SPDEF: variants seen among roughly 807,000 people sequenced by gnomAD.
The protein encoded by SPDEF is SAM pointed domain containing ETS transcription factor, also known as SAM pointed domain-containing Ets transcription factor.
In SPDEF, 12 loss-of-function variants were observed where a neutral mutation model predicts 36.0. That is an observed-to-expected ratio of 0.33 (90% confidence interval 0.21 to 0.54). The LOEUF (loss-of-function observed/expected upper bound fraction) is 0.54, where lower values mean the gene tolerates loss of function less well. Ranked by LOEUF, SPDEF falls within the 20% of genes least tolerant of loss-of-function variation. SPDEF has a pLI of 0.93. For missense variants in SPDEF, 388 were observed against 456.9 expected, an observed-to-expected ratio of 0.85 and a Z score of 1.37; for synonymous variants, 205 against 193.0, an observed-to-expected ratio of 1.06 and a Z score of -0.51.
chr6:34,542,200 G>A lies in SPDEF; in HGVS notation c.437-1019C>T, dbSNP rs55899330. Among the ~76,000 whole-genome samples, 1,364 of 152,312 alleles carry A rather than the reference G, an allele frequency of 9.0e-3. 9 individuals are homozygous for A. Among genetic ancestry groups the A allele is most frequent in the Non-Finnish European group, 0.015 (999 of 68,018 alleles). ...CGGGGCAGCTTTGGGGGCAGGGGCC[G>A]GGCCTGAGGGATGCATGAAGACCCC... On this transcript the variant is annotated intron_variant, in intron 2 of 5. Coordinates refer to ENST00000374037, the MANE Select transcript of SPDEF (RefSeq NM_012391.3).
intron 2 of SPDEF, among the ~76,000 whole-genome samples, chr6:34,542,876 G>A (rs1164943362): frequency 6.2e-5 from 8 of 128,330 alleles, no homozygotes; most frequent in South Asian, 5.0e-4. Context: ...GTGATAGAGC[G>A]AGACCCTGTC....
chr6:34,551,837 A>AC (rs983273700), intron 1 of SPDEF, among the ~76,000 whole-genome samples: 1 of 151,832 alleles, frequency 6.6e-6, no homozygotes, highest in Non-Finnish European at 1.5e-5. Context: ...GCCAGCAGGG[A>AC]CCCCAGCCCA....
intron 1 of SPDEF, among the ~76,000 whole-genome samples, chr6:34,554,097 C>T (rs984808230): frequency 2.6e-5 from 4 of 152,190 alleles, no homozygotes; most frequent in Admixed American, 6.5e-5. Context: ...AAAAGTGACC[C>T]GCCCACGGTC....
At chr6:34,550,141 A>G (rs993065977) in intron 1 of SPDEF, among the ~76,000 whole-genome samples, 1 of 152,140 alleles carries the variant, frequency 6.6e-6, no homozygotes, top group African/African-American at 2.4e-5. Context: ...TGGCTTCTCC[A>G]AACACCCTGA....
chr6:34,542,166 G>A (rs1438031313), intron 2 of SPDEF, among the ~76,000 whole-genome samples: 1 of 152,218 alleles, frequency 6.6e-6, no homozygotes, highest in Non-Finnish European at 1.5e-5. Flanking sequence ...CTTCAAATGA[G>A]GACGTCAACG....
rs1186537836 is a variant in SPDEF, at chr6:34,552,218, G to A, written c.-30+3711C>T. On this transcript the variant is annotated intron_variant, in intron 1 of 5. Transcript: ENST00000374037. The surrounding 1 kb of genome is among the most constrained non-coding windows in gnomAD (Gnocchi z 4.6). Reference sequence around the variant, plus strand: ...CTCTTCCCTACCCTCCTCCAGCCCCGCATACGCCGTACCTCCCAGCTTGCC... The same window carrying A: ...CTCTTCCCTACCCTCCTCCAGCCCCACATACGCCGTACCTCCCAGCTTGCC... Among the ~76,000 whole-genome samples, 2 of 152,048 alleles carry A rather than the reference G, an allele frequency of 1.3e-5. No homozygotes were observed. The highest frequency in any genetic ancestry group is 4.8e-5 in the African/African-American group (2 of 41,396).
At chr6:34,550,343 C>A (rs1487577287) in intron 1 of SPDEF, among the ~76,000 whole-genome samples, 1 of 152,208 alleles carries the variant, frequency 6.6e-6, no homozygotes, top group Non-Finnish European at 1.5e-5. Flanking sequence ...CATTCACTGC[C>A]CAGAGCACCA....
rs912298691 is a variant in SPDEF, at chr6:34,552,303, G to A, written c.-30+3626C>T. 5.9e-5 allele frequency among the ~76,000 whole-genome samples: 9 copies of A among 152,214 alleles called. No individual in the cohort carries two copies. The highest frequency in any genetic ancestry group is 1.7e-4 in the African/African-American group (7 of 41,458). The stretch of plus-strand genomic sequence containing the variant: ...TGCTCCCCACAGCCCTGCCCAGCAG[G>A]GTCGTTGAGGGCATGAGAACACACG... On this transcript the variant is annotated intron_variant, in intron 1 of 5. Coordinates refer to ENST00000374037, the MANE Select transcript of SPDEF (RefSeq NM_012391.3). The surrounding 1 kb of genome is among the most constrained non-coding windows in gnomAD (Gnocchi z 4.6).
In SPDEF at chr6:34,550,786, A is replaced by G. The variant is rs890381072; in HGVS notation, c.-30+5143T>C. On this transcript the variant is annotated intron_variant, in intron 1 of 5. Transcript: ENST00000374037. ...GCAGGTGGAAGCTGGGGGCGGGGCC[A>G]CGTAGCAGGAAGACGGGGCACTGGA... 5.9e-5 allele frequency among the ~76,000 whole-genome samples: 9 copies of G among 152,288 alleles called. No homozygotes were observed. In the East Asian group the frequency reaches 7.7e-4, roughly 13 times the overall value.
intron 3 of SPDEF, among the ~76,000 whole-genome samples, chr6:34,540,371 G>T (rs1232205069): frequency 6.6e-6 from 1 of 151,724 alleles, no homozygotes; most frequent in African/African-American, 2.4e-5. Flanking sequence ...GACATACTGT[G>T]GTGTGCAGAG....
intron 2 of SPDEF, among the ~76,000 whole-genome samples, chr6:34,543,418 C>T (rs914933446): frequency 2.0e-5 from 3 of 152,044 alleles, no homozygotes; most frequent in African/African-American, 4.8e-5. Flanking sequence ...GCGGCACGTC[C>T]GAGGAGTGTA....
chr6:34,542,904 A>AG (rs1561977715), intron 2 of SPDEF, among the ~76,000 whole-genome samples: 1 of 149,352 alleles, frequency 6.7e-6, no homozygotes, highest in African/African-American at 2.5e-5. Flanking sequence ...AAAAAAAAAA[A>AG]AAGAAGAGGC....
rs906562631 is a variant in SPDEF at position 34,552,223 on chromosome 6, C to T, written c.-30+3706G>A. On this transcript the variant is annotated intron_variant, in intron 1 of 5. Coordinates refer to ENST00000374037, the MANE Select transcript of SPDEF (RefSeq NM_012391.3). This position sits in a 1 kb window ranked among gnomAD's most constrained non-coding sequence, Gnocchi z 4.6. ...CCCTACCCTCCTCCAGCCCCGCATA[C>T]GCCGTACCTCCCAGCTTGCCACAGG... Among the ~76,000 whole-genome samples the T allele has an allele frequency of 5.9e-5, 9 of 152,180 alleles. No homozygotes were observed. The highest frequency in any genetic ancestry group is 1.4e-4 in the African/African-American group (6 of 41,440).
chr6:34,540,952 G>A (rs1179064943), intron 3 of SPDEF, 32 bp downstream of exon 3: 9 of 1,592,506 alleles, frequency 5.7e-6, no homozygotes, highest in African/African-American at 1.3e-5. Flanking sequence ...TGGAGCCTGG[G>A]AGGGGCTGCT....
In SPDEF at chr6:34,538,315, T is replaced by A. The variant is rs947333993; in HGVS notation, c.967A>T (p.Ile323Phe). The A allele has an allele frequency of 1.2e-6, 2 of 1,613,986 alleles. No homozygotes were observed. Among genetic ancestry groups the A allele is most frequent in the Non-Finnish European group, 1.7e-6 (2 of 1,179,980 alleles). The change falls in exon 6 of 6, where the codon ATC becomes TTC. Residue 323 changes from isoleucine (I) to phenylalanine (F), a missense_variant. Ile to Phe is a conservative substitution (Grantham distance 21). Coordinates refer to ENST00000374037, the MANE Select transcript of SPDEF (RefSeq NM_012391.3). This position sits in a 1 kb window ranked among gnomAD's most constrained non-coding sequence, Gnocchi z 5.9. ...AACTGGTAGACGAGGCGCTGGGAGATGTCTGGCTTCCGGATGATGCCCTTC... is the reference window on the plus strand; with the variant it reads ...AACTGGTAGACGAGGCGCTGGGAGAAGTCTGGCTTCCGGATGATGCCCTTC... ...YKKGIIRKPD[I>F]SQRLVYQFVH...
intron 2 of SPDEF, 26 bp downstream of exon 2, chr6:34,543,994 G>A (rs762433804): frequency 3.1e-6 from 5 of 1,595,136 alleles, no homozygotes; most frequent in Non-Finnish European, 4.3e-6. Flanking sequence ...CCATCTTACG[G>A]AAGCAGGCAC....
chr6:34,544,025 G>A lies in SPDEF; in HGVS notation c.431C>T (p.Thr144Ile). The A allele has an allele frequency of 6.2e-7, 1 of 1,610,002 alleles. No individual in the cohort carries two copies. The stretch of plus-strand genomic sequence containing the variant: ...GGCACATGGAGAGGGCTCACCTGCG[G>A]TGATGTTGAGCAGCTTGCAGGCCGT... Reference protein sequence around the residue: ...IETACKLLNITADPMDWSPSN... With the variant: ...IETACKLLNIIADPMDWSPSN... Residue 144 changes from threonine (T) to isoleucine (I), a missense_variant, in exon 2 of 6, where the codon ACC becomes ATC. Transcript: ENST00000374037. This position sits in a 1 kb window ranked among gnomAD's most constrained non-coding sequence, Gnocchi z 4.4.
At chr6:34,542,319 C>T (rs371935239) in intron 2 of SPDEF, among the ~76,000 whole-genome samples, 75 of 152,306 alleles carry the variant, frequency 4.9e-4, no homozygotes, top group African/African-American at 1.4e-3. Flanking sequence ...GCTGGAGAGG[C>T]GACAGCAGGA....
chr6:34,549,075 C>T (rs1768007616), intron 1 of SPDEF, among the ~76,000 whole-genome samples: 1 of 152,252 alleles, frequency 6.6e-6, no homozygotes, highest in Admixed American at 6.5e-5. Flanking sequence ...CCCAGCGTTC[C>T]TGCAGCCTTG....
Sources: gnomAD v4.1 joint callset for allele counts (sites outside exome capture counted in the v4.1 genomes callset) on GRCh38, gnomAD v4.1.1 for gene constraint, Gnocchi (gnomAD v3.1) non-coding constraint, MANE v1.5 for transcripts, NCBI Gene and HGNC (gene_info 2026-07-23, HGNC 2026-07-21) for gene names.